PRPSAP2: variants seen among roughly 807,000 people sequenced by gnomAD.
PRPSAP2 encodes the protein phosphoribosyl pyrophosphate synthetase associated protein 2.
Under a neutral mutation model 40.6 loss-of-function variants are expected in PRPSAP2, and 24 were observed. That is an observed-to-expected ratio of 0.59 (90% CI 0.43 to 0.83). PRPSAP2 has a LOEUF of 0.83. Ranked by LOEUF, PRPSAP2 falls within the 40% of genes least tolerant of loss-of-function variation. The pLI is 0.00. For synonymous variants in PRPSAP2, 149 were observed against 164.7 expected (o/e 0.90, Z 0.73); for missense variants, 292 against 465.6 (o/e 0.63, Z 3.43).
At chr17:18,904,825 AAAT>A (rs2040483248) in intron 8 of PRPSAP2, 1 of 152,186 alleles carries the variant, frequency 6.6e-6, no homozygotes, top group Admixed American at 6.6e-5. Context: ...CCCATGATGT[AAAT>A]TAACTCATTA....
intron 4 of PRPSAP2, among the ~76,000 whole-genome samples, chr17:18,868,483 GAAA>G (rs777650890): frequency 1.5e-5 from 2 of 133,576 alleles, no homozygotes; most frequent in Non-Finnish European, 3.3e-5. Context: ...TGTCTCAGGG[GAAA>G]AAAAAAAAAA....
chr17:18,924,727 C>A (rs1464975959), intron 10 of PRPSAP2, among the ~76,000 whole-genome samples: 1 of 151,134 alleles, frequency 6.6e-6, no homozygotes, highest in Non-Finnish European at 1.5e-5. Context: ...CGAGATCATG[C>A]CACTGCACTC....
rs141049196 is a variant in PRPSAP2 at position 18,915,604 on chromosome 17, C to T, written c.733+4353C>T. ...ATGGTGGAGAAGAAAAGTGAGCAGG[C>T]GGGTGCAGAGAAATCACATGGCAAG... On this transcript the variant is annotated intron_variant, in intron 9 of 11. Transcript: ENST00000268835. 1.4e-3 allele frequency among the ~76,000 whole-genome samples: 207 copies of T among 152,156 alleles called. 1 individual carries two copies. Among genetic ancestry groups the T allele is most frequent in the African/African-American group, 4.4e-3 (182 of 41,512 alleles).
At position 18,911,477 on chromosome 17, in the gene PRPSAP2, A is replaced by G. The variant is rs2151953549; in HGVS notation, c.733+226A>G. Among the ~76,000 whole-genome samples, 1 of 152,272 alleles carries G rather than the reference A, an allele frequency of 6.6e-6. No homozygotes were observed. Among genetic ancestry groups the G allele is most frequent in the South Asian group, 2.1e-4 (1 of 4,826 alleles). The stretch of plus-strand genomic sequence containing the variant: ...TTGCAAGACCTGTGAAAATGTTTGG[A>G]CTATTGAGACAGTTGCAATGCTTCA... On this transcript the variant is annotated intron_variant, in intron 9 of 11. Transcript: ENST00000268835. This position sits in a 1 kb window ranked among gnomAD's most constrained non-coding sequence, Gnocchi z 4.5.
At chr17:18,925,576 A>G (rs1480728174) in intron 10 of PRPSAP2, among the ~76,000 whole-genome samples, 1 of 152,304 alleles carries the variant, frequency 6.6e-6, no homozygotes, top group East Asian at 1.9e-4. Context: ...CTGCTACACA[A>G]CTGATTGAGG....
intron 9 of PRPSAP2, among the ~76,000 whole-genome samples, chr17:18,923,242 A>G (rs990393932): frequency 2.7e-5 from 4 of 146,492 alleles, no homozygotes; most frequent in African/African-American, 7.5e-5. Context: ...GGCGCCCACT[A>G]GCACACTTGG....
chr17:18,896,766 G>C (rs1192292638), intron 8 of PRPSAP2, among the ~76,000 whole-genome samples: 2 of 152,008 alleles, frequency 1.3e-5, no homozygotes, highest in Non-Finnish European at 1.5e-5. Flanking sequence ...CTGCCAGATA[G>C]GCATAATAGT....
chr17:18,929,129 G>T (rs1396770935), intron 11 of PRPSAP2, among the ~76,000 whole-genome samples, 172 bp downstream of exon 11: 3 of 152,128 alleles, frequency 2.0e-5, no homozygotes, highest in Admixed American at 6.6e-5. Context: ...GGCCGAGGCA[G>T]GTGGATTACC....
At chr17:18,894,317 G>T (rs1021558275) in intron 8 of PRPSAP2, among the ~76,000 whole-genome samples, 1 of 151,756 alleles carries the variant, frequency 6.6e-6, no homozygotes, top group African/African-American at 2.4e-5. Flanking sequence ...GCGCCACCAC[G>T]CCTATCTAAT....
intron 9 of PRPSAP2, among the ~76,000 whole-genome samples, chr17:18,913,906 C>A (rs972864143): frequency 6.6e-6 from 1 of 151,340 alleles, no homozygotes; most frequent in South Asian, 2.1e-4. Context: ...CTGGGCGCGG[C>A]GGCTCACACC....
At chr17:18,906,356 C>T (rs970231046) in intron 8 of PRPSAP2, among the ~76,000 whole-genome samples, 3 of 152,200 alleles carry the variant, frequency 2.0e-5, no homozygotes, top group African/African-American at 7.2e-5. Flanking sequence ...GCTGGGACTA[C>T]AGGCGCGTGC....
chr17:18,908,027 A>G (rs2040705138), intron 8 of PRPSAP2, among the ~76,000 whole-genome samples: 1 of 152,062 alleles, frequency 6.6e-6, no homozygotes, highest in Non-Finnish European at 1.5e-5. Context: ...AATCCCAGCT[A>G]CTCGGGAGGC....
intron 6 of PRPSAP2, among the ~76,000 whole-genome samples, chr17:18,882,007 A>C (rs951217252): frequency 3.3e-5 from 5 of 150,798 alleles, no homozygotes; most frequent in Non-Finnish European, 5.9e-5. Context: ...CGCCCAGCTA[A>C]TTTTTGTATT....
At chr17:18,884,576 G>A (rs1317137164) in intron 7 of PRPSAP2, among the ~76,000 whole-genome samples, 5 of 152,130 alleles carry the variant, frequency 3.3e-5, no homozygotes, top group Non-Finnish European at 1.5e-5. Context: ...CTGGCCTCAA[G>A]CGATCCTCCT....
intron 7 of PRPSAP2, 44 bp from the exon 8 acceptor site, chr17:18,889,778 T>C: frequency 6.7e-7 from 1 of 1,498,500 alleles, no homozygotes; most frequent in Non-Finnish European, 9.1e-7. Flanking sequence ...GGAATTTTCC[T>C]TTTTGTTGAC....
intron 5 of PRPSAP2, among the ~76,000 whole-genome samples, chr17:18,876,768 CAG>C (rs1178532714): frequency 6.6e-6 from 1 of 152,086 alleles, no homozygotes; most frequent in African/African-American, 2.4e-5. Context: ...GACATTTGAA[CAG>C]AGACTAGAGA....
chr17:18,920,989 G>A (rs2041658384), intron 9 of PRPSAP2, among the ~76,000 whole-genome samples: 1 of 151,970 alleles, frequency 6.6e-6, no homozygotes, highest in Admixed American at 6.6e-5. Context: ...ACAGGAAACA[G>A]CAATTTCTTT....
chr17:18,885,637 G>C (rs2039084633), intron 7 of PRPSAP2, among the ~76,000 whole-genome samples: 1 of 151,962 alleles, frequency 6.6e-6, no homozygotes, highest in Non-Finnish European at 1.5e-5. Context: ...GCCCAGGCTG[G>C]AGTGCAATGG....
At chr17:18,879,426 A>G (rs1173142052) in intron 6 of PRPSAP2, among the ~76,000 whole-genome samples, 2 of 151,760 alleles carry the variant, frequency 1.3e-5, no homozygotes, top group Non-Finnish European at 2.9e-5. Flanking sequence ...CTGGGATTGC[A>G]GGCACACACC....
Sources: gnomAD v4.1 joint callset for allele counts (sites outside exome capture counted in the v4.1 genomes callset) on GRCh38, gnomAD v4.1.1 for gene constraint, Gnocchi (gnomAD v3.1) non-coding constraint, MANE v1.5 for transcripts, NCBI Gene and HGNC (gene_info 2026-07-23, HGNC 2026-07-21) for gene names.